The following STK32B variants were observed in gnomAD, a reference collection of about 807,000 sequenced individuals.
STK32B encodes serine/threonine-protein kinase 32B.
STK32B carries 43 observed loss-of-function variants against 52.6 expected under a neutral mutation model. The observed-to-expected ratio is 0.82, with a 90% CI of 0.64 to 1.05. The LOEUF is 1.05. Among genes scored for constraint, STK32B ranks in the 50% least tolerant of loss-of-function variants. The probability of loss-of-function intolerance (pLI) is 0.00; values close to 1 mark genes in which losing one functional copy is unlikely to be tolerated. For synonymous variants in STK32B, 238 were observed against 204.3 expected (o/e 1.17, Z -1.41); for missense variants, 621 against 534.6 (o/e 1.16, Z -1.59).
At chr4:5,227,650 G>C (rs1218358058) in intron 3 of STK32B, among the ~76,000 whole-genome samples, 1 of 152,146 alleles carries the variant, frequency 6.6e-6, no homozygotes, top group Non-Finnish European at 1.5e-5. Context: ...TAAAAATGAG[G>C]TAGCATGCAA....
At chr4:5,144,404 G>A (rs1473845011) in intron 2 of STK32B, among the ~76,000 whole-genome samples, 1 of 152,112 alleles carries the variant, frequency 6.6e-6, no homozygotes, top group African/African-American at 2.4e-5. Flanking sequence ...TTTCCCCTAC[G>A]CAGCAGGGAG....
chr4:5,446,709 C>G lies in STK32B; in HGVS notation c.599C>G (p.Pro200Arg), dbSNP rs1296140074. 2.5e-6 allele frequency: 4 copies of G among 1,614,096 alleles called. No individual in the cohort carries two copies. The East Asian group carries it at 6.7e-5, about 27-fold the overall frequency. ...EVFQVYMDRG[P>R]GYSYPVDWWS... is the part of the protein sequence containing the mutation. ...TTCCAGGTGTACATGGACAGAGGCC[C>G]CGGATACTCGTACCCTGTCGACTGG... The change falls in exon 7 of 12, where the codon CCC (proline) becomes CGC (arginine). Residue 200 changes from proline (P) to arginine (R), a missense_variant. Coordinates refer to ENST00000282908, the MANE Select transcript of STK32B (RefSeq NM_018401.3).
chr4:5,482,999 C>T (rs1420347167), intron 11 of STK32B, among the ~76,000 whole-genome samples: 4 of 152,128 alleles, frequency 2.6e-5, no homozygotes, highest in Non-Finnish European at 5.9e-5. Context: ...CAGTATTTTA[C>T]TGAGGATTTT....
chr4:5,315,240 G>GAAATACAAATTA (rs1553869983), intron 3 of STK32B, among the ~76,000 whole-genome samples: 15 of 151,892 alleles, frequency 9.9e-5, no homozygotes, highest in African/African-American at 3.6e-4. Flanking sequence ...CTCCATTAGT[G>GAAATACAAATTA]AAATGCAAAT....
intron 6 of STK32B, among the ~76,000 whole-genome samples, chr4:5,445,008 A>G (rs1257479239): frequency 6.6e-6 from 1 of 152,190 alleles, no homozygotes; most frequent in Non-Finnish European, 1.5e-5. Flanking sequence ...GTTGAGACGA[A>G]CCTTACTTCA....
intron 4 of STK32B, among the ~76,000 whole-genome samples, chr4:5,346,863 T>TTAC (rs1733501716): frequency 6.6e-6 from 1 of 152,166 alleles, no homozygotes; most frequent in Non-Finnish European, 1.5e-5. Context: ...CATGGCCGGG[T>TTAC]AGGCCTCAGG....
intron 1 of STK32B, among the ~76,000 whole-genome samples, chr4:5,124,493 G>A (rs1474269623): frequency 6.6e-6 from 1 of 152,104 alleles, no homozygotes; most frequent in Non-Finnish European, 1.5e-5. Context: ...GACTGAGTTT[G>A]GTTTGTTCCT....
At chr4:5,094,852 A>G (rs1279979703) in intron 1 of STK32B, among the ~76,000 whole-genome samples, 1 of 152,108 alleles carries the variant, frequency 6.6e-6, no homozygotes, top group Non-Finnish European at 1.5e-5. Context: ...GGGTCAACTT[A>G]CTTTCTGCCC....
intron 3 of STK32B, among the ~76,000 whole-genome samples, chr4:5,199,255 A>G (rs1429429367): frequency 6.6e-6 from 1 of 152,214 alleles, no homozygotes; most frequent in East Asian, 1.9e-4. Context: ...CAAGCAAGGC[A>G]GGCTTGTGCA....
At position 5,241,845 on chromosome 4, in the gene STK32B, C is replaced by T. The variant is rs145579909; in HGVS notation, c.260+73395C>T. Among the ~76,000 whole-genome samples the T allele has an allele frequency of 7.5e-4, 114 of 152,160 alleles. 1 individual carries two copies. Among genetic ancestry groups the T allele is most frequent in the Non-Finnish European group, 1.3e-3 (88 of 68,002 alleles). Reference sequence around the variant, plus strand: ...TGCGGTGTTTGGTTTTTTGTCCTCGCGATAGTTTGCTGAGAATGACGGTTT... The same window carrying T: ...TGCGGTGTTTGGTTTTTTGTCCTCGTGATAGTTTGCTGAGAATGACGGTTT... On this transcript the variant is annotated intron_variant, in intron 3 of 11. Transcript: ENST00000282908.
At chr4:5,206,004 C>T (rs1022266558) in intron 3 of STK32B, among the ~76,000 whole-genome samples, 5 of 152,164 alleles carry the variant, frequency 3.3e-5, no homozygotes, top group African/African-American at 1.2e-4. Context: ...TAGCCCAGTC[C>T]AGTCAATGTG....
intron 1 of STK32B, among the ~76,000 whole-genome samples, chr4:5,136,646 C>G (rs1416375113): frequency 6.6e-6 from 1 of 152,176 alleles, no homozygotes; most frequent in South Asian, 2.1e-4. Context: ...CCCTCTCACA[C>G]CCCCCAGCCA....
chr4:5,183,809 T>C (rs1283095998), intron 3 of STK32B, among the ~76,000 whole-genome samples: 1 of 152,204 alleles, frequency 6.6e-6, no homozygotes, highest in East Asian at 1.9e-4. Context: ...AACAGCTTTT[T>C]TCCCCTTTAA....
chr4:5,290,351 A>G (rs1728819758), intron 3 of STK32B, among the ~76,000 whole-genome samples: 1 of 152,194 alleles, frequency 6.6e-6, no homozygotes, highest in South Asian at 2.1e-4. Flanking sequence ...AGCTAAACAA[A>G]AATGTTTTAT....
At chr4:5,311,924 A>ATATAT (rs1730320955) in intron 3 of STK32B, among the ~76,000 whole-genome samples, 2 of 146,138 alleles carry the variant, frequency 1.4e-5, no homozygotes, top group South Asian at 2.1e-4. Flanking sequence ...ATTTTTTTTT[A>ATATAT]AAGTTTATTC....
intron 1 of STK32B, among the ~76,000 whole-genome samples, chr4:5,133,690 G>A (rs945555127): frequency 2.6e-5 from 4 of 152,196 alleles, no homozygotes; most frequent in African/African-American, 7.2e-5. Flanking sequence ...TTAGAGAGAT[G>A]TTAGCTCATT....
At chr4:5,262,926 A>G (rs1246297808) in intron 3 of STK32B, among the ~76,000 whole-genome samples, 1 of 152,202 alleles carries the variant, frequency 6.6e-6, no homozygotes, top group African/African-American at 2.4e-5. Context: ...AAAATCATTG[A>G]GTTGGGTAAC....
At chr4:5,150,665 A>G (rs989021054) in intron 2 of STK32B, among the ~76,000 whole-genome samples, 7 of 151,866 alleles carry the variant, frequency 4.6e-5, no homozygotes, top group East Asian at 1.9e-4. Context: ...GTTATTTACC[A>G]CATTTGAGGC....
intron 2 of STK32B, among the ~76,000 whole-genome samples, chr4:5,145,524 A>G (rs1304664925): frequency 6.6e-6 from 1 of 152,196 alleles, no homozygotes; most frequent in Non-Finnish European, 1.5e-5. Context: ...TCTCAAAGTC[A>G]ACTACTCCAT....
Sources: gnomAD v4.1 joint callset for allele counts (sites outside exome capture counted in the v4.1 genomes callset) on GRCh38, gnomAD v4.1.1 for gene constraint, MANE v1.5 for transcripts, NCBI Gene and HGNC (gene_info 2026-07-23, HGNC 2026-07-21) for gene names.